Variants in SEMA4A observed in about 807,000 individuals in gnomAD.
The protein encoded by SEMA4A is semaphorin-4A.
Under a neutral mutation model 72.5 loss-of-function variants are expected in SEMA4A, and 52 were observed. That is an observed-to-expected ratio of 0.72 (90% CI 0.57 to 0.90). The LOEUF is 0.90. Ranked by LOEUF, SEMA4A falls within the 40% of genes least tolerant of loss-of-function variation. The pLI is 0.00. For synonymous variants in SEMA4A, 369 were observed against 393.1 expected, an observed-to-expected ratio of 0.94 and a Z score of 0.73; for missense variants, 926 against 959.7, an observed-to-expected ratio of 0.96 and a Z score of 0.46.
Position 156,158,426 on chromosome 1 carries a change from C to T in SEMA4A, c.402C>T (p.Tyr134=). The T allele has an allele frequency of 6.2e-7, 1 of 1,613,882 alleles. No individual in the cohort carries two copies. ...ACTTCATCCGTGTCCTGGTTTCTTA[C>T]AATGTCACCCATCTCTACACCTGCG... ...CFNFIRVLVS[Y]NVTHLYTCGT... Residue 134 remains tyrosine, a synonymous_variant, in exon 5 of 15, where the codon TAC becomes TAT. Coordinates refer to ENST00000368285, the MANE Select transcript of SEMA4A (RefSeq NM_022367.4).
chr1:156,163,199 A>C (rs1572403935), intron 10 of SEMA4A, 105 bp downstream of exon 10: 1 of 1,313,746 alleles, frequency 7.6e-7, no homozygotes, highest in Non-Finnish European at 1.1e-6. Flanking sequence ...AGTGCTCTCC[A>C]CCCCACCAAT....
chr1:156,160,863 G>C lies in SEMA4A; in HGVS notation c.686-42G>C, dbSNP rs1003725. 4,558 of 1,612,614 alleles carry C rather than the reference G, an allele frequency of 2.8e-3. 138 individuals are homozygous for C. The African/African-American group carries it at 0.056, about 20-fold the overall frequency. ...TTTCACTCAGGCAAACCCAGGGCAT[G>C]CAGGGGCTCAGTCCCTAAGCCCATC... On this transcript the variant is annotated intron_variant, in intron 7 of 14. Transcript: ENST00000368285.
At chr1:156,154,216 GA>G (rs1652786025) in intron 1 of SEMA4A, among the ~76,000 whole-genome samples, 1 of 152,166 alleles carries the variant, frequency 6.6e-6, no homozygotes, top group Non-Finnish European at 1.5e-5. Context: ...TGAGAAGAGG[GA>G]AGGCAAAGGA....
intron 2 of SEMA4A, chr1:156,156,191 C>A: frequency 1.7e-6 from 1 of 572,540 alleles, no homozygotes; most frequent in South Asian, 1.8e-5. Flanking sequence ...TCCCCATTAC[C>A]CTGCCTCTGG....
chr1:156,161,592 G>C, intron 9 of SEMA4A, 74 bp downstream of exon 9: 1 of 1,545,808 alleles, frequency 6.5e-7, no homozygotes, highest in Non-Finnish European at 8.9e-7. Context: ...CGTGAGCGGA[G>C]GCAGGAATTG....
intron 10 of SEMA4A, among the ~76,000 whole-genome samples, chr1:156,169,374 C>A (rs1469208780): frequency 1.3e-5 from 2 of 150,784 alleles, no homozygotes; most frequent in Non-Finnish European, 1.5e-5. Context: ...TTCTCCCCAT[C>A]CCTCCCTCAT....
In SEMA4A at chr1:156,175,605, G is replaced by A. The variant is rs1422418586; in HGVS notation, c.1642G>A (p.Ala548Thr). Reference sequence around the variant, plus strand: ...GCGGGGGAACCCAGAGTGGGCATGTGCCAGTGGCCCCATGAGCAGGAGCCT... The same window carrying A: ...GCGGGGGAACCCAGAGTGGGCATGTACCAGTGGCCCCATGAGCAGGAGCCT... ...MERGNPEWACASGPMSRSLRP... is the reference protein window; with the variant it reads ...MERGNPEWACTSGPMSRSLRP... Residue 548 changes from alanine (A) to threonine (T), a missense_variant, in exon 14 of 15, where the codon GCC becomes ACC. Coordinates refer to ENST00000368285, the MANE Select transcript of SEMA4A (RefSeq NM_022367.4). 2 of 1,613,450 alleles carry A rather than the reference G, an allele frequency of 1.2e-6. No homozygotes were observed. The highest frequency in any genetic ancestry group is 1.7e-6 in the Non-Finnish European group (2 of 1,179,766).
intron 6 of SEMA4A, among the ~76,000 whole-genome samples, chr1:156,159,602 T>C (rs1156778827): frequency 6.6e-6 from 1 of 151,918 alleles, no homozygotes; most frequent in Non-Finnish European, 1.5e-5. Context: ...TGCTGGGTAG[T>C]ATAGGAGTTA....
At chr1:156,153,103 A>G (rs1227310165), upstream of SEMA4A, among the ~76,000 whole-genome samples, 1 of 152,118 alleles carries the variant, frequency 6.6e-6, no homozygotes, top group Admixed American at 6.5e-5. Context: ...GATGTCAAAG[A>G]GTGATGGAGA....
intron 10 of SEMA4A, among the ~76,000 whole-genome samples, chr1:156,170,700 A>G (rs146430452): frequency 0.016 from 2,334 of 149,844 alleles, 65 homozygotes; most frequent in African/African-American, 0.056. Flanking sequence ...CTTGCAGTGA[A>G]CCAAGATCAG....
At chr1:156,169,407 CTTTTT>C (rs766983966) in intron 10 of SEMA4A, among the ~76,000 whole-genome samples, 3 of 85,292 alleles carry the variant, frequency 3.5e-5, no homozygotes, top group African/African-American at 9.9e-5. Context: ...CTTTTCTTTT[CTTTTT>C]TTTTTTTTTT....
chr1:156,162,628 T>G (rs1473648176), intron 9 of SEMA4A, among the ~76,000 whole-genome samples: 3 of 152,212 alleles, frequency 2.0e-5, no homozygotes, highest in African/African-American at 4.8e-5. Context: ...ACACTGTCCC[T>G]CCAATGGGTG....
intron 11 of SEMA4A, among the ~76,000 whole-genome samples, chr1:156,174,347 C>A (rs1655098955): frequency 6.6e-6 from 1 of 152,170 alleles, no homozygotes; most frequent in Admixed American, 6.5e-5. Flanking sequence ...TGGATGGAGA[C>A]AGACAATAGC....
chr1:156,172,704 C>A, intron 10 of SEMA4A, 122 bp from the exon 11 acceptor site: 1 of 956,564 alleles, frequency 1.0e-6, no homozygotes. Flanking sequence ...GGAGCTTTAA[C>A]CACCACCCTG....
intron 2 of SEMA4A, 25 bp from the exon 3 acceptor site, chr1:156,156,389 T>A: frequency 6.2e-7 from 1 of 1,612,870 alleles, no homozygotes; most frequent in Non-Finnish European, 8.5e-7. Context: ...TCCTCATCAC[T>A]CTCTCTGTCT....
chr1:156,173,303 G>A (rs1654983248), intron 11 of SEMA4A, among the ~76,000 whole-genome samples: 1 of 152,188 alleles, frequency 6.6e-6, no homozygotes, highest in East Asian at 1.9e-4. Context: ...AAAGGTGAGT[G>A]GGTGGAGGGG....
chr1:156,161,613 G>A, intron 9 of SEMA4A, 95 bp downstream of exon 9: 1 of 1,353,528 alleles, frequency 7.4e-7, no homozygotes, highest in Non-Finnish European at 1.0e-6. Context: ...ACATGAGCCA[G>A]CACCTACTCA....
In SEMA4A at chr1:156,177,369, G is replaced by C. The variant is rs1205668270; in HGVS notation, c.*372G>C. ...GCCTGTCCCAGGACCCTATGGTAAT[G>C]AACACCAAACATCTAAACAATCATA... On this transcript the variant is annotated 3_prime_UTR_variant, in exon 15 of 15. Coordinates refer to ENST00000368285, the MANE Select transcript of SEMA4A (RefSeq NM_022367.4). The C allele has an allele frequency of 8.5e-6, 3 of 351,712 alleles. No homozygotes were observed. Among genetic ancestry groups the C allele is most frequent in the Non-Finnish European group, 1.6e-5 (3 of 183,698 alleles). 21.8% of individuals were successfully genotyped at this position (351,712 alleles called of 1,614,324 possible). A position where few individuals can be genotyped will look rare whatever the true frequency, so the allele number is the denominator to read the frequency against.
Position 156,176,684 on chromosome 1 carries a change from G to A in SEMA4A, c.1973G>A (p.Arg658Gln), listed in dbSNP as rs747644135. 8 of 1,614,028 alleles carry A rather than the reference G, an allele frequency of 5.0e-6. No individual in the cohort carries two copies. Among genetic ancestry groups the A allele is most frequent in the South Asian group, 2.2e-5 (2 of 91,084 alleles). ...ALDPELAGIP[R>Q]EHVKVPLTRV... ...GATCCTGAACTGGCAGGCATCCCCC[G>A]GGAGCATGTGAAGGTCCCGTTGACC... Residue 658 changes from arginine (R) to glutamine (Q), a missense_variant, in exon 15 of 15, where the codon CGG (arginine) becomes CAG (glutamine). Physicochemically the swap from Arg to Gln is conservative, Grantham distance 43. Transcript: ENST00000368285.
Sources: gnomAD v4.1 joint callset for allele counts (sites outside exome capture counted in the v4.1 genomes callset) on GRCh38, gnomAD v4.1.1 for gene constraint, MANE v1.5 for transcripts, NCBI Gene and HGNC (gene_info 2026-07-23, HGNC 2026-07-21) for gene names.